IGF1R: variants seen among roughly 807,000 people sequenced by gnomAD.
IGF1R encodes the protein insulin like growth factor 1 receptor, also known as insulin-like growth factor 1 receptor.
A neutral mutation model predicts 144.6 loss-of-function variants in IGF1R; 44 were observed. The observed-to-expected ratio is 0.30, with a 90% CI of 0.24 to 0.39. The LOEUF is 0.39. Among genes scored for constraint, IGF1R ranks in the 10% least tolerant of loss-of-function variants. IGF1R has a pLI of 1.00. For missense variants in IGF1R, 1,355 were observed against 1,833.7 expected (o/e 0.74, Z 4.77); for synonymous variants, 795 against 722.8 (o/e 1.10, Z -1.60).
At chr15:98,721,645 AT>A (rs2054249553) in intron 2 of IGF1R, among the ~76,000 whole-genome samples, 1 of 152,206 alleles carries the variant, frequency 6.6e-6, no homozygotes, top group South Asian at 2.1e-4. Context: ...ACCTGTTTAC[AT>A]TTTGTATCCT....
At chr15:98,693,094 G>T (rs1308857509) in intron 1 of IGF1R, among the ~76,000 whole-genome samples, 1 of 152,148 alleles carries the variant, frequency 6.6e-6, no homozygotes, top group Non-Finnish European at 1.5e-5. Context: ...GGCTGTGTGG[G>T]GAGAGCTTGC....
chr15:98,945,789 C>T (rs988621931), intron 19 of IGF1R, among the ~76,000 whole-genome samples: 1 of 152,080 alleles, frequency 6.6e-6, no homozygotes, highest in Non-Finnish European at 1.5e-5. Context: ...AGTGTCCACA[C>T]CTTGCAGTTG....
chr15:98,918,301 G>A (rs1365940075), intron 10 of IGF1R, among the ~76,000 whole-genome samples: 1 of 151,938 alleles, frequency 6.6e-6, no homozygotes. Context: ...TCCCCTCACT[G>A]CCCCCGACCC....
intron 20 of IGF1R, among the ~76,000 whole-genome samples, chr15:98,951,969 C>A (rs2016792504): frequency 6.6e-6 from 1 of 152,154 alleles, no homozygotes; most frequent in South Asian, 2.1e-4. Flanking sequence ...CCACATCATC[C>A]CTGTGTTGTC....
chr15:98,739,382 C>A (rs2054685159), intron 2 of IGF1R, among the ~76,000 whole-genome samples: 1 of 152,128 alleles, frequency 6.6e-6, no homozygotes, highest in Non-Finnish European at 1.5e-5. Flanking sequence ...TGATCTCCCC[C>A]AAAGCGGCAC....
intron 2 of IGF1R, among the ~76,000 whole-genome samples, chr15:98,751,098 A>G (rs2054999688): frequency 6.6e-6 from 1 of 152,192 alleles, no homozygotes; most frequent in Admixed American, 6.5e-5. Context: ...GCCTTCTTCT[A>G]GATGTTTAAA....
chr15:98,908,706 C>G lies in IGF1R; in HGVS notation c.1269C>G (p.Leu423=), dbSNP rs777348345. The part of the protein sequence containing the change: ...QLEGNYSFYV[L]DNQNLQQLWD... ...CTAGGAATTACTCCTTCTACGTCCT[C>G]GACAACCAGAACTTGCAGCAACTGT... The change falls in exon 6 of 21, where the codon CTC becomes CTG. Residue 423 remains leucine (L), a synonymous_variant. Coordinates refer to ENST00000650285, the MANE Select transcript of IGF1R (RefSeq NM_000875.5). 1 of 1,614,032 alleles carries G rather than the reference C, an allele frequency of 6.2e-7. No homozygotes were observed. Among genetic ancestry groups the G allele is most frequent in the Non-Finnish European group, 8.5e-7 (1 of 1,179,956 alleles).
intron 2 of IGF1R, among the ~76,000 whole-genome samples, chr15:98,808,114 T>C (rs1262340364): frequency 1.3e-5 from 2 of 152,188 alleles, no homozygotes; most frequent in Non-Finnish European, 2.9e-5. Context: ...TAGCCTGGCA[T>C]GGGGAAGAAT....
At chr15:98,760,279 G>C (rs8036183) in intron 2 of IGF1R, among the ~76,000 whole-genome samples, 31,496 of 151,538 alleles carry the variant, frequency 0.21, 3,688 homozygotes, top group South Asian at 0.33. Context: ...TTGAACCTGG[G>C]ATGCGGAGGT....
intron 2 of IGF1R, among the ~76,000 whole-genome samples, chr15:98,857,935 T>C (rs1386317882): frequency 1.3e-5 from 2 of 152,224 alleles, no homozygotes; most frequent in African/African-American, 4.8e-5. Context: ...ACACAACCAG[T>C]TAAACCAGCT....
At chr15:98,710,916 C>A (rs571269611) in intron 2 of IGF1R, among the ~76,000 whole-genome samples, 1 of 151,948 alleles carries the variant, frequency 6.6e-6, no homozygotes, top group Non-Finnish European at 1.5e-5. Flanking sequence ...ATGATCCGCC[C>A]GCCTCAGCCT....
Position 98,792,594 on chromosome 15 carries a change from T to C in IGF1R, c.640+84487T>C, listed in dbSNP as rs1252932004. The stretch of plus-strand genomic sequence containing the variant: ...GTTACCATTTTAAGATGATTATGGC[T>C]GGCCCAAATTAGGGGATCTTTTCAT... On this transcript the variant is annotated intron_variant, in intron 2 of 20. Coordinates refer to ENST00000650285, the MANE Select transcript of IGF1R (RefSeq NM_000875.5). 3.3e-5 allele frequency among the ~76,000 whole-genome samples: 5 copies of C among 152,226 alleles called. No individual in the cohort carries two copies. In the East Asian group the frequency reaches 7.7e-4, roughly 23 times the overall value.
chr15:98,717,958 C>T (rs1432116100), intron 2 of IGF1R, among the ~76,000 whole-genome samples: 1 of 152,136 alleles, frequency 6.6e-6, no homozygotes, highest in Non-Finnish European at 1.5e-5. Context: ...TGTGTGCACA[C>T]GTGCACGTGT....
chr15:98,784,574 G>A (rs1268117875), intron 2 of IGF1R: 1 of 153,998 alleles, frequency 6.5e-6, no homozygotes, highest in Non-Finnish European at 1.5e-5. Context: ...TTAGCGTCCA[G>A]TTTGTGAACA....
At chr15:98,722,058 A>T (rs988871964) in intron 2 of IGF1R, among the ~76,000 whole-genome samples, 1 of 152,134 alleles carries the variant, frequency 6.6e-6, no homozygotes, top group African/African-American at 2.4e-5. Flanking sequence ...TTTCCTTGCT[A>T]GTTCCTTGGC....
chr15:98,854,189 G>A (rs1271244165), intron 2 of IGF1R, among the ~76,000 whole-genome samples: 1 of 152,166 alleles, frequency 6.6e-6, no homozygotes, highest in Non-Finnish European at 1.5e-5. Flanking sequence ...GAGGTTCTGG[G>A]CATCATGACT....
At chr15:98,750,208 A>G (rs187368398) in intron 2 of IGF1R, among the ~76,000 whole-genome samples, 8 of 152,168 alleles carry the variant, frequency 5.3e-5, no homozygotes, top group Admixed American at 5.2e-4. Context: ...AAGGCCTCAC[A>G]TCAGGTGACA....
At chr15:98,879,337 T>C (rs903836805) in intron 2 of IGF1R, among the ~76,000 whole-genome samples, 1 of 152,150 alleles carries the variant, frequency 6.6e-6, no homozygotes, top group African/African-American at 2.4e-5. Flanking sequence ...CCCAGCCCCT[T>C]CTTAATATTG....
intron 5 of IGF1R, among the ~76,000 whole-genome samples, chr15:98,907,486 G>C (rs1191667330): frequency 6.6e-6 from 1 of 152,196 alleles, no homozygotes; most frequent in African/African-American, 2.4e-5. Context: ...GTGGATCTTA[G>C]AAGTCACTCA....
Sources: gnomAD v4.1 joint callset for allele counts (sites outside exome capture counted in the v4.1 genomes callset) on GRCh38, gnomAD v4.1.1 for gene constraint, MANE v1.5 for transcripts, NCBI Gene and HGNC (gene_info 2026-07-23, HGNC 2026-07-21) for gene names.